Variants in TMTC4 observed in about 807,000 individuals in gnomAD.
TMTC4 encodes the protein transmembrane O-mannosyltransferase targeting cadherins 4, also known as protein O-mannosyl-transferase TMTC4.
Under a neutral mutation model 86.0 loss-of-function variants are expected in TMTC4, and 65 were observed. The ratio of observed to expected loss-of-function variants is 0.76; its 90% confidence interval spans 0.62 to 0.93. The LOEUF is 0.93. Among genes scored for constraint, TMTC4 ranks in the 40% least tolerant of loss-of-function variants. TMTC4 has a pLI of 0.00. For missense variants in TMTC4, 866 were observed against 948.1 expected (o/e 0.91, Z 1.14); for synonymous variants, 379 against 382.5 (o/e 0.99, Z 0.11).
At chr13:100,648,370 A>G (rs1334066744) in intron 6 of TMTC4, among the ~76,000 whole-genome samples, 3 of 152,212 alleles carry the variant, frequency 2.0e-5, no homozygotes, top group Non-Finnish European at 4.4e-5. Flanking sequence ...TATATTGATT[A>G]TATGTTGGAA....
chr13:100,673,352 A>C (rs1333785565), intron 1 of TMTC4: 1 of 985,320 alleles, frequency 1.0e-6, no homozygotes, highest in Non-Finnish European at 1.2e-6. Flanking sequence ...GCAGCCACCT[A>C]CAGAAGAATA....
chr13:100,606,138 G>A (rs1172658491), intron 18 of TMTC4, among the ~76,000 whole-genome samples: 1 of 152,212 alleles, frequency 6.6e-6, no homozygotes, highest in East Asian at 1.9e-4. Context: ...TCATGAGAAG[G>A]TAATAGAGTG....
chr13:100,629,079 T>C (rs1174185611), intron 12 of TMTC4, among the ~76,000 whole-genome samples: 2 of 151,772 alleles, frequency 1.3e-5, no homozygotes, highest in Non-Finnish European at 2.9e-5. Flanking sequence ...AACCCAGGAG[T>C]TGGAGGCTGC....
At chr13:100,611,621 T>C (rs1181501712) in intron 17 of TMTC4, among the ~76,000 whole-genome samples, 1 of 152,028 alleles carries the variant, frequency 6.6e-6, no homozygotes, top group Non-Finnish European at 1.5e-5. Context: ...AACAAAAAAA[T>C]GCATATTCCC....
chr13:100,669,175 TA>T (rs1367256828), intron 2 of TMTC4, among the ~76,000 whole-genome samples: 1 of 152,206 alleles, frequency 6.6e-6, no homozygotes, highest in Non-Finnish European at 1.5e-5. Context: ...GAAAAATTAA[TA>T]AATAGTCATT....
At chr13:100,629,213 C>T (rs17475458) in intron 12 of TMTC4, among the ~76,000 whole-genome samples, 20,781 of 152,074 alleles carry the variant, frequency 0.14, 1,554 homozygotes, top group Middle Eastern at 0.19. Flanking sequence ...AAGCTCCTTT[C>T]GGGACTTTAC....
intron 15 of TMTC4, chr13:100,625,229 G>C (rs1350958709): frequency 3.0e-6 from 1 of 332,724 alleles, no homozygotes; most frequent in Non-Finnish European, 5.6e-6. Context: ...TGTTTATCAG[G>C]AAGTTACCCA....
chr13:100,662,866 G>A (rs1022262605), intron 5 of TMTC4, 98 bp downstream of exon 5: 2 of 1,264,026 alleles, frequency 1.6e-6, no homozygotes, highest in East Asian at 2.3e-5. Flanking sequence ...GAACCAAGAT[G>A]GGTACATAAA....
At position 100,607,346 on chromosome 13, in the gene TMTC4, G is replaced by A. The variant is rs140448898; in HGVS notation, c.2065-919C>T. ...AGCCTGGCCAACATGGTGAAAACCC[G>A]TCTCTACTAAAAATACAAAAATTAG... On this transcript the variant is annotated intron_variant, in intron 17 of 18. Transcript: ENST00000342624. Among the ~76,000 whole-genome samples, 1,316 of 152,128 alleles carry A rather than the reference G, an allele frequency of 8.7e-3. 17 individuals are homozygous for A. The highest frequency in any genetic ancestry group is 0.029 in the African/African-American group (1,207 of 41,496).
At chr13:100,636,961 T>C (rs1406436134) in intron 9 of TMTC4, among the ~76,000 whole-genome samples, 1 of 152,204 alleles carries the variant, frequency 6.6e-6, no homozygotes, top group Non-Finnish European at 1.5e-5. Context: ...CATCAGACTA[T>C]GCAATACATT....
At chr13:100,641,930 A>G (rs540206790) in intron 7 of TMTC4, among the ~76,000 whole-genome samples, 1 of 152,336 alleles carries the variant, frequency 6.6e-6, no homozygotes, top group African/African-American at 2.4e-5. Flanking sequence ...ATCTTTTTCT[A>G]CAGGGCCTCT....
chr13:100,625,990 C>G, intron 13 of TMTC4, 81 bp downstream of exon 13: 1 of 1,599,658 alleles, frequency 6.3e-7, no homozygotes. Context: ...AAGTTGGGGT[C>G]TTTAAAGGAA....
At chr13:100,674,161 G>A (rs561349581) in intron 1 of TMTC4, 1 of 896,250 alleles carries the variant, frequency 1.1e-6, no homozygotes, top group South Asian at 5.0e-5. Flanking sequence ...GCGGCGGCTC[G>A]GTGGCCCCGG....
chr13:100,640,668 A>C (rs768021829), intron 7 of TMTC4, among the ~76,000 whole-genome samples: 64 of 152,142 alleles, frequency 4.2e-4, no homozygotes, highest in Non-Finnish European at 8.7e-4. Flanking sequence ...AAAATTTTAG[A>C]AAATTAGCTG....
In TMTC4 at chr13:100,614,368, T is replaced by A; in HGVS notation, c.1899A>T (p.Lys633Asn). The change falls in exon 16 of 19, where the codon AAA (lysine) becomes AAT (asparagine). Residue 633 changes from lysine to asparagine, a missense_variant. Physicochemically the swap from Lys to Asn is moderately conservative, Grantham distance 94. Coordinates refer to ENST00000342624, the MANE Select transcript of TMTC4 (RefSeq NM_032813.5). ...TGTTCCAGGCCAGGCTGTGCTCTGGTTTCAGCACGGTGGCATTTCTCCACG... is the reference window on the plus strand; with the variant it reads ...TGTTCCAGGCCAGGCTGTGCTCTGGATTCAGCACGGTGGCATTTCTCCACG... ...LNAWRNATVL[K>N]PEHSLAWNNM... 1 of 1,613,538 alleles carries A rather than the reference T, an allele frequency of 6.2e-7. No individual in the cohort carries two copies. Among genetic ancestry groups the A allele is most frequent in the Non-Finnish European group, 8.5e-7 (1 of 1,179,866 alleles).
chr13:100,660,195 G>C (rs1326416288), intron 5 of TMTC4, among the ~76,000 whole-genome samples: 1 of 151,610 alleles, frequency 6.6e-6, no homozygotes, highest in Non-Finnish European at 1.5e-5. Context: ...ACCGGATGTG[G>C]TGGTGCACGC....
chr13:100,646,377 C>A (rs1007749115), intron 6 of TMTC4, among the ~76,000 whole-genome samples: 4 of 152,176 alleles, frequency 2.6e-5, no homozygotes, highest in Admixed American at 6.5e-5. Context: ...GTGCTCCCGA[C>A]AAATCATGGA....
chr13:100,668,498 G>C (rs1344208658), intron 3 of TMTC4, 81 bp downstream of exon 3: 46 of 1,412,862 alleles, frequency 3.3e-5, no homozygotes, highest in South Asian at 5.0e-5. Flanking sequence ...ATTCCACAGA[G>C]AACAATGCAA....
At chr13:100,613,861 T>C (rs1284445847) in intron 16 of TMTC4, among the ~76,000 whole-genome samples, 60 of 127,924 alleles carry the variant, frequency 4.7e-4, no homozygotes, top group Non-Finnish European at 7.6e-4. Flanking sequence ...TTTTTTGAGA[T>C]GGCGTTTCGC....
Sources: allele counts gnomAD v4.1 joint callset (sites outside exome capture counted in the v4.1 genomes callset), GRCh38; gene constraint gnomAD v4.1.1; transcripts MANE v1.5; gene names NCBI Gene and HGNC (gene_info 2026-07-23, HGNC 2026-07-21).